IGSF11: variants seen among roughly 807,000 people sequenced by gnomAD.
IGSF11 encodes immunoglobulin superfamily member 11.
IGSF11 carries 22 observed loss-of-function variants against 41.0 expected under a neutral mutation model. The ratio of observed to expected loss-of-function variants is 0.54; its 90% confidence interval spans 0.38 to 0.77. The LOEUF is 0.77. Among genes scored for constraint, IGSF11 ranks in the 30% least tolerant of loss-of-function variants. IGSF11 has a pLI of 0.00. For missense variants in IGSF11, 444 were observed against 530.8 expected (o/e 0.84, Z 1.61); for synonymous variants, 219 against 201.3 (o/e 1.09, Z -0.74).
intron 1 of IGSF11, among the ~76,000 whole-genome samples, chr3:118,952,981 G>A (rs1944680802): frequency 6.6e-6 from 1 of 152,008 alleles, no homozygotes; most frequent in Non-Finnish European, 1.5e-5. Context: ...TGATTTGTGA[G>A]ATTTTGGTGC....
chr3:118,931,622 C>A (rs1449266754), intron 1 of IGSF11, among the ~76,000 whole-genome samples: 1 of 152,170 alleles, frequency 6.6e-6, no homozygotes, highest in African/African-American at 2.4e-5. Flanking sequence ...TAGATTAGTA[C>A]CACCCGGGGA....
chr3:119,010,237 G>A (rs146849724), intron 1 of IGSF11, among the ~76,000 whole-genome samples: 1 of 152,300 alleles, frequency 6.6e-6, no homozygotes, highest in Non-Finnish European at 1.5e-5. Context: ...TGGCAAAGCA[G>A]TGTACATGAG....
rs574507189 is a variant in IGSF11 at position 119,140,165 on chromosome 3, G to T, written c.-14+5648C>A. Among the ~76,000 whole-genome samples the T allele has an allele frequency of 3.9e-5, 6 of 152,058 alleles. No homozygotes were observed. In the South Asian group the frequency reaches 1.2e-3, roughly 32 times the overall value. On this transcript the variant is annotated intron_variant, in intron 1 of 7. Transcript: ENST00000425327. ...TCCTACTTATAAATCAAAAGGCAGA[G>T]ATAGTCAGAATGGACCCTCCCCCCA...
At chr3:118,969,984 A>G (rs759936000) in intron 1 of IGSF11, among the ~76,000 whole-genome samples, 2 of 149,714 alleles carry the variant, frequency 1.3e-5, no homozygotes, top group Non-Finnish European at 2.9e-5. Flanking sequence ...CTGCGCATAC[A>G]GGTATCTCCT....
At chr3:119,028,357 GA>G (rs1256929758) in intron 1 of IGSF11, among the ~76,000 whole-genome samples, 1 of 152,142 alleles carries the variant, frequency 6.6e-6, no homozygotes, top group Non-Finnish European at 1.5e-5. Context: ...CCTATTTCTA[GA>G]AAAGTGTCTC....
In IGSF11 at chr3:118,926,212, T is replaced by A. The variant is rs370506403; in HGVS notation, c.469A>T (p.Ile157Phe). 6.2e-6 allele frequency: 10 copies of A among 1,610,650 alleles called. No homozygotes were observed. The highest frequency in any genetic ancestry group is 8.5e-6 in the Non-Finnish European group (10 of 1,177,806). ...CAGAGCAGGATGACATCGCTGCCAATATCCTGGGATCCTTGGATTTGGCAG... is the reference window on the plus strand; with the variant it reads ...CAGAGCAGGATGACATCGCTGCCAAAATCCTGGGATCCTTGGATTTGGCAG... ...PHCQIQGSQD[I>F]GSDVILLCSS... Residue 157 changes from isoleucine to phenylalanine, a missense_variant, in exon 4 of 7, where the codon ATT becomes TTT. Physicochemically the swap from Ile to Phe is conservative, Grantham distance 21 (BLOSUM62 0). Coordinates refer to ENST00000393775, the MANE Select transcript of IGSF11 (RefSeq NM_001015887.3).
At chr3:119,059,229 G>A (rs1289785301) in intron 1 of IGSF11, among the ~76,000 whole-genome samples, 1 of 151,284 alleles carries the variant, frequency 6.6e-6, no homozygotes, top group Non-Finnish European at 1.5e-5. Context: ...AAACTACTCA[G>A]TCATAAAAAG....
At chr3:119,042,884 A>C (rs2107749495) in intron 1 of IGSF11, among the ~76,000 whole-genome samples, 1 of 152,314 alleles carries the variant, frequency 6.6e-6, no homozygotes, top group East Asian at 1.9e-4. Flanking sequence ...AACTCATAAC[A>C]GAACAACTGT....
At chr3:119,103,146 C>T (rs1408940843) in intron 1 of IGSF11, among the ~76,000 whole-genome samples, 2 of 151,904 alleles carry the variant, frequency 1.3e-5, no homozygotes, top group African/African-American at 2.4e-5. Flanking sequence ...TACAGGTGTC[C>T]GCCACCATGA....
intron 1 of IGSF11, among the ~76,000 whole-genome samples, chr3:119,060,807 A>G (rs1355889568): frequency 6.6e-6 from 1 of 152,180 alleles, no homozygotes; most frequent in East Asian, 1.9e-4. Flanking sequence ...GCTACTTTTT[A>G]ATACTAAAAT....
chr3:118,995,773 C>T (rs1192511390), intron 1 of IGSF11, among the ~76,000 whole-genome samples: 1 of 152,162 alleles, frequency 6.6e-6, no homozygotes, highest in Non-Finnish European at 1.5e-5. Context: ...CTGCCTCAGC[C>T]TCCTGAGTAG....
chr3:119,016,643 G>C (rs1358358266), intron 1 of IGSF11, among the ~76,000 whole-genome samples: 1 of 152,120 alleles, frequency 6.6e-6, no homozygotes, highest in Non-Finnish European at 1.5e-5. Context: ...TATCATTAGG[G>C]GCAGTTTTCA....
chr3:118,905,191 C>A (rs1939429119), intron 5 of IGSF11, among the ~76,000 whole-genome samples: 1 of 152,148 alleles, frequency 6.6e-6, no homozygotes, highest in Non-Finnish European at 1.5e-5. Context: ...TCAAATATCC[C>A]AGAATTCTCA....
At chr3:119,018,485 T>G (rs562389146) in intron 1 of IGSF11, among the ~76,000 whole-genome samples, 12 of 152,364 alleles carry the variant, frequency 7.9e-5, no homozygotes, top group African/African-American at 2.9e-4. Flanking sequence ...ATCCACTTAC[T>G]GATCACTTAA....
At chr3:119,069,742 C>G (rs956455787) in intron 1 of IGSF11, among the ~76,000 whole-genome samples, 1 of 151,924 alleles carries the variant, frequency 6.6e-6, no homozygotes, top group Non-Finnish European at 1.5e-5. Context: ...TACTTGCCAC[C>G]AATTAAAAAG....
chr3:119,089,229 C>T (rs540331037), intron 1 of IGSF11, among the ~76,000 whole-genome samples: 2 of 152,170 alleles, frequency 1.3e-5, no homozygotes, highest in Admixed American at 6.5e-5. Context: ...AGTTAATACA[C>T]GACAATCAAG....
At chr3:118,936,258 G>C (rs1489954579) in intron 1 of IGSF11, among the ~76,000 whole-genome samples, 3 of 152,108 alleles carry the variant, frequency 2.0e-5, no homozygotes, top group African/African-American at 7.2e-5. Flanking sequence ...TGTAATCCCA[G>C]CACTTTGGGA....
rs1274590839 is a variant in IGSF11 at position 118,902,730 on chromosome 3, G to A, written c.1086C>T (p.Thr362=). ...TCTTATGTTGACCCGGGACCAGATGGGTCCCATTAGCATAAATGGATGGTA... is the reference window on the plus strand; with the variant it reads ...TCTTATGTTGACCCGGGACCAGATGAGTCCCATTAGCATAAATGGATGGTA... ...ANIPSIYANG[T]HLVPGQHKTL... The change falls in exon 7 of 7, where the codon ACC becomes ACT. Residue 362 remains threonine, a synonymous_variant. Transcript: ENST00000393775. 5 of 1,613,962 alleles carry A rather than the reference G, an allele frequency of 3.1e-6. No individual in the cohort carries two copies. The highest frequency in any genetic ancestry group is 2.2e-5 in the East Asian group (1 of 44,880).
intron 1 of IGSF11, among the ~76,000 whole-genome samples, chr3:118,978,277 C>T (rs947433657): frequency 6.6e-6 from 1 of 152,176 alleles, no homozygotes; most frequent in African/African-American, 2.4e-5. Context: ...CCCTCACATG[C>T]TACCTGCAGG....
Sources: allele counts gnomAD v4.1 joint callset (sites outside exome capture counted in the v4.1 genomes callset), GRCh38; gene constraint gnomAD v4.1.1; transcripts MANE v1.5; gene names NCBI Gene and HGNC (gene_info 2026-07-23, HGNC 2026-07-21).